OGA: variants seen among roughly 807,000 people sequenced by gnomAD.
The protein encoded by OGA is protein O-GlcNAcase.
A neutral mutation model predicts 102.0 loss-of-function variants in OGA; 21 were observed. The ratio of observed to expected loss-of-function variants is 0.21; its 90% confidence interval spans 0.15 to 0.30. The LOEUF is 0.30. Ranked by LOEUF, OGA falls within the 10% of genes least tolerant of loss-of-function variation. OGA has a pLI of 1.00. For missense variants in OGA, 765 were observed against 1,107.8 expected, an observed-to-expected ratio of 0.69 and a Z score of 4.39; for synonymous variants, 408 against 378.2, an observed-to-expected ratio of 1.08 and a Z score of -0.91.
At chr10:101,795,819 AAAT>A (rs2065307620) in intron 10 of OGA, 12 of 789,142 alleles carry the variant, frequency 1.5e-5, no homozygotes, top group Non-Finnish European at 1.8e-5. Flanking sequence ...AAAAAATAAA[AAAT>A]AAAAAAACTC....
chr10:101,797,642 C>T, intron 10 of OGA: 2 of 449,320 alleles, frequency 4.5e-6, no homozygotes, highest in Non-Finnish European at 7.9e-6. Context: ...TGTGGAGTCA[C>T]ATTTCATAGT....
At chr10:101,797,517 T>C in intron 10 of OGA, 1 of 178,122 alleles carries the variant, frequency 5.6e-6, no homozygotes, top group Non-Finnish European at 1.2e-5. Context: ...AAAGCTCGCA[T>C]GCGCACAGGG....
In OGA at chr10:101,807,823, C is replaced by A; in HGVS notation, c.559G>T (p.Val187Leu). The A allele has an allele frequency of 6.2e-7, 1 of 1,611,132 alleles. No individual in the cohort carries two copies. The highest frequency in any genetic ancestry group is 1.1e-5 in the South Asian group (1 of 90,732). The change falls in exon 5 of 16, where the codon GTA becomes TTA. Residue 187 changes from valine to leucine, a missense_variant. Physicochemically the swap from Val to Leu is conservative, Grantham distance 32. Around this residue, in one of 7 missense-constraint regions of OGA, gnomAD observed 165 missense variants for 249.7 expected, o/e 0.66. Transcript: ENST00000361464. Reference sequence around the variant, plus strand: ...TGGGCATGAGCAAAAGAACTGAATACCTCTTTGTCTGCTGCACACATATTA... The same window carrying A: ...TGGGCATGAGCAAAAGAACTGAATAACTCTTTGTCTGCTGCACACATATTA... ...DHNMCAADKE[V>L]FSSFAHAQVS... is the part of the protein sequence containing the mutation.
chr10:101,804,551 G>A (rs1378649899), intron 6 of OGA, among the ~76,000 whole-genome samples: 1 of 152,106 alleles, frequency 6.6e-6, no homozygotes, highest in African/African-American at 2.4e-5. Flanking sequence ...GGGATTACAG[G>A]CGTGAGCCAC....
At chr10:101,805,673 A>T (rs1223139230) in intron 6 of OGA, among the ~76,000 whole-genome samples, 1 of 140,856 alleles carries the variant, frequency 7.1e-6, no homozygotes, top group Non-Finnish European at 1.5e-5. Context: ...AAAAAAAAAA[A>T]GGCCAGGCGT....
rs1453937708 is a variant in OGA at position 101,786,318 on chromosome 10, CAT to C, written c.*131_*132del. The C allele has an allele frequency of 5.3e-6, 5 of 943,590 alleles. No individual in the cohort carries two copies. Among genetic ancestry groups the C allele is most frequent in the South Asian group, 2.6e-5 (1 of 38,492 alleles). The allele number at this position is 943,590 out of a possible 1,614,324, so 58.5% of individuals were successfully genotyped here. ...CTCAAAGTGTGATGGGTGAGTTTTACATAGTCTTCTTTGTTTCGAATCCAATT... is the reference window on the plus strand; with the variant it reads ...CTCAAAGTGTGATGGGTGAGTTTTACAGTCTTCTTTGTTTCGAATCCAATT... On this transcript the variant is annotated 3_prime_UTR_variant, in exon 16 of 16. Coordinates refer to ENST00000361464, the MANE Select transcript of OGA (RefSeq NM_012215.5).
chr10:101,812,533 A>C (rs2065572304), intron 3 of OGA, among the ~76,000 whole-genome samples: 1 of 152,266 alleles, frequency 6.6e-6, no homozygotes, highest in Non-Finnish European at 1.5e-5. Flanking sequence ...CTGAAGCAAA[A>C]GGAACAATCA....
At chr10:101,809,034 A>G (rs964800704) in intron 4 of OGA, among the ~76,000 whole-genome samples, 6 of 152,112 alleles carry the variant, frequency 3.9e-5, no homozygotes, top group African/African-American at 1.4e-4. Context: ...CTTTTACATT[A>G]AGCAGACTTT....
chr10:101,815,916 C>T (rs891551881), intron 1 of OGA, among the ~76,000 whole-genome samples: 1 of 131,856 alleles, frequency 7.6e-6, no homozygotes, highest in South Asian at 2.4e-4. Context: ...TATTTCTATG[C>T]TCATTCATTT....
At chr10:101,798,266 C>A in intron 9 of OGA, 112 bp from the exon 10 acceptor site, 1 of 926,412 alleles carries the variant, frequency 1.1e-6, no homozygotes, top group Non-Finnish European at 1.6e-6. Context: ...TTTATCTTAA[C>A]CATTAAAGTA....
chr10:101,818,203 G>A lies in OGA; in HGVS notation c.-181C>T. 2 of 1,349,430 alleles carry A rather than the reference G, an allele frequency of 1.5e-6. No homozygotes were observed. The highest frequency in any genetic ancestry group is 9.5e-7 in the Non-Finnish European group (1 of 1,054,504). 83.6% of individuals were successfully genotyped at this position (1,349,430 alleles called of 1,614,324 possible). A position where few individuals can be genotyped will look rare whatever the true frequency, so the allele number is the denominator to read the frequency against. On this transcript the variant is annotated 5_prime_UTR_variant, in exon 1 of 16. Transcript: ENST00000361464. ...GGACCCGAATGCCCGGATGAGAAGG[G>A]CGGCGGCACCGGCGCGAGCCCTTTG...
chr10:101,818,039 G>A lies in OGA; in HGVS notation c.-17C>T, dbSNP rs762550012. On this transcript the variant is annotated 5_prime_UTR_variant, in exon 1 of 16. Coordinates refer to ENST00000361464, the MANE Select transcript of OGA (RefSeq NM_012215.5). ...CTGCACCATCCTCCTGCCCCCGGCC[G>A]CTGCCACCTCTGCGGGTCCTCCTCG... The A allele has an allele frequency of 1.5e-5, 23 of 1,554,970 alleles. No individual in the cohort carries two copies. Among genetic ancestry groups the A allele is most frequent in the Non-Finnish European group, 2.0e-5 (23 of 1,146,354 alleles).
At chr10:101,804,041 C>T (rs1176368799) in intron 6 of OGA, 22 bp from the exon 7 acceptor site, 5 of 1,592,870 alleles carry the variant, frequency 3.1e-6, no homozygotes, top group Admixed American at 1.7e-5. Context: ...GACAACCGTT[C>T]GTTAAAAGAA....
chr10:101,814,544 C>T (rs1025505591), intron 1 of OGA, among the ~76,000 whole-genome samples: 7 of 152,056 alleles, frequency 4.6e-5, no homozygotes, highest in African/African-American at 1.4e-4. Flanking sequence ...AGCCAAGATC[C>T]GCGCCATTGC....
chr10:101,795,956 A>G (rs1242419169), intron 10 of OGA: 1 of 945,718 alleles, frequency 1.1e-6, no homozygotes, highest in Non-Finnish European at 1.3e-6. Flanking sequence ...ATAAATGCTC[A>G]GTGCAGAGAT....
intron 4 of OGA, 97 bp from the exon 5 acceptor site, chr10:101,807,998 T>C (rs1431694898): frequency 2.0e-6 from 2 of 988,642 alleles, no homozygotes; most frequent in South Asian, 2.5e-5. Context: ...GTATTTTCCT[T>C]ACTAGAATGT....
rs1006033012 is a variant in OGA at position 101,817,806 on chromosome 10, G to GGGAA, written c.199+14_199+17dup. 8 of 1,535,768 alleles carry GGGAA rather than the reference G, an allele frequency of 5.2e-6. No individual in the cohort carries two copies. In the African/African-American group the frequency reaches 1.1e-4, roughly 21 times the overall value. ...GAACGTGTTAGTGCCAAAACGGGGAGGGAAGGAGGGCGCTCACCTTCCACC... is the reference window on the plus strand; with the variant it reads ...GAACGTGTTAGTGCCAAAACGGGGAGGGAAGGAAGGAGGGCGCTCACCTTCCACC... On this transcript the variant is annotated intron_variant, in intron 1 of 15. Coordinates refer to ENST00000361464, the MANE Select transcript of OGA (RefSeq NM_012215.5).
Position 101,799,004 on chromosome 10 carries a change from A to T in OGA, c.1647T>A (p.Thr549=). 1 of 1,614,206 alleles carries T rather than the reference A, an allele frequency of 6.2e-7. No individual in the cohort carries two copies. The highest frequency in any genetic ancestry group is 8.5e-7 in the Non-Finnish European group (1 of 1,180,032). ...VPGPNEKPLY[T]AEPVTLEDLQ... ...AATCCTCCAGGGTCACTGGTTCCGC[A>T]GTGTACAAAGGCTTTTCATTTGGAC... Residue 549 remains threonine, a synonymous_variant, in exon 9 of 16, where the codon ACT becomes ACA. Transcript: ENST00000361464.
Position 101,799,105 on chromosome 10 carries a change from T to A in OGA, c.1546A>T (p.Met516Leu), listed in dbSNP as rs765840267. The stretch of plus-strand genomic sequence containing the variant: ...ATGTCACTAATACAATCTTCTTGCA[T>A]GGACATCTCTGGGGATTTTGATTCA... The part of the protein sequence containing the change: ...IAESKSPEMS[M>L]QEDCISDIAP... Residue 516 changes from methionine to leucine, a missense_variant, in exon 9 of 16, where the codon ATG becomes TTG. Met to Leu is a conservative substitution (Grantham distance 15, BLOSUM62 2). Around this residue, in one of 7 missense-constraint regions of OGA, gnomAD observed 281 missense variants for 345.8 expected, o/e 0.81. Transcript: ENST00000361464. The A allele has an allele frequency of 5.0e-6, 8 of 1,614,262 alleles. No individual in the cohort carries two copies. In the South Asian group the frequency reaches 8.8e-5, roughly 18 times the overall value.
Sources: allele counts gnomAD v4.1 joint callset (sites outside exome capture counted in the v4.1 genomes callset), GRCh38; gene constraint gnomAD v4.1.1; regional missense constraint gnomAD v4.1.1; transcripts MANE v1.5; gene names NCBI Gene and HGNC (gene_info 2026-07-23, HGNC 2026-07-21).